Variants in RTTN observed in about 807,000 individuals in gnomAD.
RTTN encodes rotatin.
RTTN carries 182 observed loss-of-function variants against 269.2 expected under a neutral mutation model. The ratio of observed to expected loss-of-function variants is 0.68; its 90% CI spans 0.60 to 0.76. The LOEUF (loss-of-function observed/expected upper bound fraction) is 0.76, where lower values mean the gene tolerates loss of function less well. RTTN is among the 30% of genes least tolerant of loss of function. The pLI is 0.00. For missense variants in RTTN, 2,545 were observed against 2,608.6 expected, an observed-to-expected ratio of 0.98 and a Z score of 0.53; for synonymous variants, 1,006 against 963.5, an observed-to-expected ratio of 1.04 and a Z score of -0.82.
In RTTN at chr18:70,134,660, C is replaced by T. The variant is rs974380830; in HGVS notation, c.2886-119G>A. ...ATGAAATCAAGCAGTGCAACTGAGT[C>T]TATCATTTAGTATAGAAACAACATG... On this transcript the variant is annotated intron_variant, in intron 22 of 48. Coordinates refer to ENST00000640769, the MANE Select transcript of RTTN (RefSeq NM_173630.4). The T allele has an allele frequency of 7.9e-6, 5 of 636,828 alleles. No homozygotes were observed. The African/African-American group carries it at 9.3e-5, about 12-fold the overall frequency. 39.4% of individuals were successfully genotyped at this position (636,828 alleles called of 1,614,324 possible). A position where few individuals can be genotyped will look rare whatever the true frequency, so the allele number is the denominator to read the frequency against.
intron 28 of RTTN, among the ~76,000 whole-genome samples, chr18:70,095,074 T>TC (rs398120638): frequency 1.3e-5 from 2 of 151,526 alleles, no homozygotes; most frequent in African/African-American, 4.8e-5. Flanking sequence ...TTTTTTTTTT[T>TC]ATCTTTGTTG....
intron 22 of RTTN, 41 bp from the exon 23 acceptor site, chr18:70,134,582 G>A (rs2060077402): frequency 1.4e-6 from 2 of 1,429,676 alleles, no homozygotes; most frequent in Non-Finnish European, 1.9e-6. Context: ...AAACAACTGA[G>A]TAGACCAAGT....
chr18:70,089,120 TTGAAAATGAGGGTGCTGTGTAC>T (rs1439872403), intron 30 of RTTN, among the ~76,000 whole-genome samples: 1 of 152,172 alleles, frequency 6.6e-6, no homozygotes, highest in Non-Finnish European at 1.5e-5. Context: ...ACAAATTTGA[TTGAAAATGAGGGTGCTGTGTAC>T]TGAACTGTGT....
At chr18:70,178,420 G>A (rs766464915) in intron 10 of RTTN, among the ~76,000 whole-genome samples, 9 of 152,082 alleles carry the variant, frequency 5.9e-5, no homozygotes, top group Non-Finnish European at 1.2e-4. Context: ...AGAATGAGGG[G>A]TTATTGTTTA....
chr18:70,017,599 G>A lies in RTTN; in HGVS notation c.6229C>T (p.Leu2077Phe). 5 of 1,613,856 alleles carry A rather than the reference G, an allele frequency of 3.1e-6. No homozygotes were observed. Among genetic ancestry groups the A allele is most frequent in the Non-Finnish European group, 3.4e-6 (4 of 1,179,798 alleles). ...ATATTCAGGAGTAACTTCAACCAAAGAATAGTCAGATTACTTAGATGTTTA... is the reference window on the plus strand; with the variant it reads ...ATATTCAGGAGTAACTTCAACCAAAAAATAGTCAGATTACTTAGATGTTTA... Reference protein sequence around the residue: ...GNKHLSNLTILWLKLLLNISS... With the variant: ...GNKHLSNLTIFWLKLLLNISS... The change falls in exon 46 of 49, where the codon CTT becomes TTT. Residue 2077 changes from leucine to phenylalanine, a missense_variant. Physicochemically the swap from Leu to Phe is conservative, Grantham distance 22. Coordinates refer to ENST00000640769, the MANE Select transcript of RTTN (RefSeq NM_173630.4).
intron 12 of RTTN, 64 bp downstream of exon 12, chr18:70,168,791 G>A (rs1458058554): frequency 2.5e-6 from 3 of 1,223,264 alleles, no homozygotes; most frequent in East Asian, 4.7e-5. Context: ...AATTTGAAAA[G>A]TATAGATTAA....
intron 28 of RTTN, among the ~76,000 whole-genome samples, 187 bp downstream of exon 28, chr18:70,109,311 G>T (rs1391199591): frequency 6.6e-6 from 1 of 152,032 alleles, no homozygotes; most frequent in Non-Finnish European, 1.5e-5. Flanking sequence ...GAAAATGAGG[G>T]TATTTATAAA....
rs997270578 is a variant in RTTN at position 70,013,732 on chromosome 18, G to A, written c.6421+3675C>T. Reference sequence around the variant, plus strand: ...CTTAATACAATTGGTTTAAGTATAAGTTTAGGGATGTCAGTTTGGTAATTA... The same window carrying A: ...CTTAATACAATTGGTTTAAGTATAAATTTAGGGATGTCAGTTTGGTAATTA... On this transcript the variant is annotated intron_variant, in intron 46 of 48. Coordinates refer to ENST00000640769, the MANE Select transcript of RTTN (RefSeq NM_173630.4). Among the ~76,000 whole-genome samples, 7 of 152,168 alleles carry A rather than the reference G, an allele frequency of 4.6e-5. No individual in the cohort carries two copies. In the East Asian group the frequency reaches 9.6e-4, roughly 21 times the overall value.
In RTTN at chr18:70,191,362, T is replaced by G. The variant is rs184172321; in HGVS notation, c.1008-643A>C. Among the ~76,000 whole-genome samples the G allele has an allele frequency of 2.4e-3, 365 of 152,328 alleles. 1 individual carries two copies. Among genetic ancestry groups the G allele is most frequent in the African/African-American group, 8.4e-3 (351 of 41,578 alleles). Reference sequence around the variant, plus strand: ...AATAAGCAGATTTATAGGAAAGCTCTTCTGTAATCAACGTGTAGAGACAAA... The same window carrying G: ...AATAAGCAGATTTATAGGAAAGCTCGTCTGTAATCAACGTGTAGAGACAAA... On this transcript the variant is annotated intron_variant, in intron 8 of 48. Coordinates refer to ENST00000640769, the MANE Select transcript of RTTN (RefSeq NM_173630.4).
chr18:70,109,758 A>C (rs2059414975), intron 27 of RTTN, 41 bp from the exon 28 acceptor site: 1 of 1,523,954 alleles, frequency 6.6e-7, no homozygotes, highest in Admixed American at 1.7e-5. Flanking sequence ...CCAAGAAAGT[A>C]TAATGGGCTT....
chr18:70,186,276 T>G (rs942725783), intron 10 of RTTN, among the ~76,000 whole-genome samples: 2 of 152,232 alleles, frequency 1.3e-5, no homozygotes, highest in Non-Finnish European at 2.9e-5. Flanking sequence ...AAGCCTTCAC[T>G]TAACTTGGTC....
chr18:70,182,355 A>C (rs1212924708), intron 10 of RTTN, among the ~76,000 whole-genome samples: 1 of 152,154 alleles, frequency 6.6e-6, no homozygotes, highest in Admixed American at 6.5e-5. Flanking sequence ...GACAGCCTGT[A>C]ACAATGTTTA....
chr18:70,068,210 G>A (rs993235464), intron 34 of RTTN, among the ~76,000 whole-genome samples: 3 of 152,076 alleles, frequency 2.0e-5, no homozygotes, highest in African/African-American at 4.8e-5. Flanking sequence ...AAAGTACATC[G>A]ATATGTAAAC....
intron 31 of RTTN, among the ~76,000 whole-genome samples, chr18:70,086,903 A>C (rs1365124443): frequency 6.6e-6 from 1 of 151,992 alleles, no homozygotes; most frequent in Non-Finnish European, 1.5e-5. Context: ...TTAGGTAATG[A>C]CCTAACAGCA....
chr18:70,101,518 A>G (rs1444896821), intron 28 of RTTN, among the ~76,000 whole-genome samples: 3 of 151,988 alleles, frequency 2.0e-5, no homozygotes, highest in African/African-American at 7.3e-5. Context: ...TGATCTTTTC[A>G]AAAAACCAGC....
At chr18:70,012,072 TATTG>T in intron 46 of RTTN, among the ~76,000 whole-genome samples, 4 of 99,640 alleles carry the variant, frequency 4.0e-5, no homozygotes, top group African/African-American at 6.2e-5. Context: ...TGCTCACTGG[TATTG>T]GTTACAGGGC....
Position 70,052,166 on chromosome 18 carries a change from G to A in RTTN, c.5186-618C>T, listed in dbSNP as rs1437372287. Among the ~76,000 whole-genome samples the A allele has an allele frequency of 3.9e-5, 6 of 152,128 alleles. No individual in the cohort carries two copies. In the South Asian group the frequency reaches 1.0e-3, roughly 26 times the overall value. ...GGTAAATGGAAGCTGGAGAGCAGTC[G>A]CTGAGGACTCTCTCTGACCATGCCT... On this transcript the variant is annotated intron_variant, in intron 38 of 48. Coordinates refer to ENST00000640769, the MANE Select transcript of RTTN (RefSeq NM_173630.4).
intron 4 of RTTN, among the ~76,000 whole-genome samples, chr18:70,201,024 C>T (rs2061931135): frequency 6.6e-6 from 1 of 152,146 alleles, no homozygotes; most frequent in Non-Finnish European, 1.5e-5. Context: ...AAGAAAACTA[C>T]ACATAGGAAG....
rs1008749629 is a variant in RTTN at position 70,013,311 on chromosome 18, C to A, written c.6421+4096G>T. Among the ~76,000 whole-genome samples, 7 of 144,472 alleles carry A rather than the reference C, an allele frequency of 4.8e-5. No individual in the cohort carries two copies. In the East Asian group the frequency reaches 1.4e-3, roughly 28 times the overall value. The allele number at this position is 144,472 out of a possible 152,430, so 94.8% of individuals were successfully genotyped here. A position where few individuals can be genotyped will look rare whatever the true frequency, so the allele number is the denominator to read the frequency against. On this transcript the variant is annotated intron_variant, in intron 46 of 48. Coordinates refer to ENST00000640769, the MANE Select transcript of RTTN (RefSeq NM_173630.4). ...ACTCAGAATATATAACTCCTCTGAT[C>A]TAAGTAAGTTTATAACTCCTTCAAC...
Sources: gnomAD v4.1 joint callset for allele counts (sites outside exome capture counted in the v4.1 genomes callset) on GRCh38, gnomAD v4.1.1 for gene constraint, MANE v1.5 for transcripts, NCBI Gene and HGNC (gene_info 2026-07-23, HGNC 2026-07-21) for gene names.